The following CDH4 variants were observed in gnomAD, a reference collection of about 807,000 sequenced individuals.
The protein encoded by CDH4 is cadherin-4.
Under a neutral mutation model 86.0 loss-of-function variants are expected in CDH4, and 33 were observed. The observed-to-expected ratio is 0.38, with a 90% CI of 0.29 to 0.51. The LOEUF (loss-of-function observed/expected upper bound fraction) is 0.51. CDH4 is among the 20% of genes least tolerant of loss of function. The pLI is 0.86. For synonymous variants in CDH4, 555 were observed against 549.4 expected (o/e 1.01, Z -0.14); for missense variants, 1,114 against 1,307.4 (o/e 0.85, Z 2.28).
chr20:61,536,573 G>A (rs767316728), intron 2 of CDH4, among the ~76,000 whole-genome samples: 2 of 152,122 alleles, frequency 1.3e-5, no homozygotes, highest in Middle Eastern at 3.2e-3. Context: ...CCCCCATTGC[G>A]AGGCCACACT....
chr20:61,278,329 C>T (rs553629411), intron 2 of CDH4, among the ~76,000 whole-genome samples: 2 of 152,314 alleles, frequency 1.3e-5, no homozygotes, highest in South Asian at 4.1e-4. Flanking sequence ...GGCTGATAAC[C>T]TTTTATTGAT....
chr20:61,761,223 GA>G (rs2088628895), intron 3 of CDH4, among the ~76,000 whole-genome samples: 1 of 152,192 alleles, frequency 6.6e-6, no homozygotes, highest in Non-Finnish European at 1.5e-5. Context: ...ACATTTAGGG[GA>G]GGGGGGCTCA....
At chr20:61,272,030 T>G (rs1442484161) in intron 2 of CDH4, among the ~76,000 whole-genome samples, 1 of 152,208 alleles carries the variant, frequency 6.6e-6, no homozygotes, top group Admixed American at 6.5e-5. Flanking sequence ...ACTTGGTGGC[T>G]TCCTTCTTTC....
chr20:61,303,184 C>T (rs1243010588), intron 2 of CDH4, among the ~76,000 whole-genome samples: 1 of 152,226 alleles, frequency 6.6e-6, no homozygotes, highest in African/African-American at 2.4e-5. Context: ...CTTCCTATGC[C>T]TGTTCTCTCA....
At chr20:61,609,866 A>G (rs2086671759) in intron 2 of CDH4, among the ~76,000 whole-genome samples, 1 of 152,056 alleles carries the variant, frequency 6.6e-6, no homozygotes, top group Non-Finnish European at 1.5e-5. Context: ...TTTCTTTCCC[A>G]TTAATATGTC....
intron 8 of CDH4, among the ~76,000 whole-genome samples, chr20:61,907,685 AG>A (rs2054805654): frequency 1.3e-5 from 2 of 152,066 alleles, no homozygotes; most frequent in Admixed American, 1.3e-4. Flanking sequence ...TCCCTCCTCT[AG>A]GGCCAGGTCA....
intron 3 of CDH4, 107 bp from the exon 4 acceptor site, chr20:61,772,896 T>C: frequency 2.2e-6 from 2 of 926,896 alleles, no homozygotes; most frequent in Non-Finnish European, 3.1e-6. Flanking sequence ...GTTACCCGCC[T>C]TCCCTCTCAG....
At chr20:61,601,288 C>T (rs1395668399) in intron 2 of CDH4, among the ~76,000 whole-genome samples, 1 of 152,180 alleles carries the variant, frequency 6.6e-6, no homozygotes, top group Admixed American at 6.5e-5. Context: ...GTGAGGACAG[C>T]ACCAAGCCAC....
intron 2 of CDH4, among the ~76,000 whole-genome samples, chr20:61,375,936 G>GTA (rs1568819215): frequency 1.4e-4 from 2 of 14,156 alleles, no homozygotes; most frequent in South Asian, 2.1e-3. Context: ...TGGTGATGAT[G>GTA]GTGGTGCTGG....
At position 61,731,631 on chromosome 20, in the gene CDH4, G is replaced by A. The variant is rs572254007; in HGVS notation, c.170-11932G>A. On this transcript the variant is annotated intron_variant, in intron 2 of 15. Transcript: ENST00000614565. ...GAATCGGAAAAGCGCCGTTTCCAGC[G>A]GGACGCCTCCTGCCAAGCCCAGAAC... Among the ~76,000 whole-genome samples, 83 of 152,314 alleles carry A rather than the reference G, an allele frequency of 5.4e-4. 1 individual carries two copies. The highest frequency in any genetic ancestry group is 9.8e-4 in the Admixed American group (15 of 15,310).
In CDH4 at chr20:61,517,134, C is replaced by T. The variant is rs2085827832; in HGVS notation, c.170-226429C>T. Among the ~76,000 whole-genome samples the T allele has an allele frequency of 6.6e-6, 1 of 152,204 alleles. No individual in the cohort carries two copies. The highest frequency in any genetic ancestry group is 1.5e-5 in the Non-Finnish European group (1 of 68,044). On this transcript the variant is annotated intron_variant, in intron 2 of 15. Coordinates refer to ENST00000614565, the MANE Select transcript of CDH4 (RefSeq NM_001794.5). This position sits in a 1 kb window ranked among gnomAD's most constrained non-coding sequence, Gnocchi z 6.6. ...CCACGATCCCTTCACCAAAGGGTAACCAGATTCCTGTATTCCAACTTTCTA... is the reference window on the plus strand; with the variant it reads ...CCACGATCCCTTCACCAAAGGGTAATCAGATTCCTGTATTCCAACTTTCTA...
At chr20:61,460,167 C>T (rs1333883717) in intron 2 of CDH4, among the ~76,000 whole-genome samples, 5 of 152,164 alleles carry the variant, frequency 3.3e-5, no homozygotes, top group South Asian at 2.1e-4. Context: ...TAACAGGGAG[C>T]GCTTTGCCCT....
chr20:61,493,068 G>A (rs1040356809), intron 2 of CDH4, among the ~76,000 whole-genome samples: 2 of 152,214 alleles, frequency 1.3e-5, no homozygotes, highest in East Asian at 1.9e-4. Context: ...AATGAAGTAC[G>A]TAAATTAGAC....
At chr20:61,507,062 T>A (rs1300977195) in intron 2 of CDH4, among the ~76,000 whole-genome samples, 2 of 152,236 alleles carry the variant, frequency 1.3e-5, no homozygotes, top group Non-Finnish European at 2.9e-5. Flanking sequence ...TTGAGACTTT[T>A]GAGTGTTTTG....
intron 2 of CDH4, among the ~76,000 whole-genome samples, chr20:61,388,857 C>T (rs895622267): frequency 3.3e-5 from 5 of 152,112 alleles, no homozygotes; most frequent in South Asian, 2.1e-4. Flanking sequence ...TCAATTATGC[C>T]GTTGTGTGAG....
chr20:61,557,647 A>G (rs1377477284), intron 2 of CDH4, among the ~76,000 whole-genome samples: 3 of 152,198 alleles, frequency 2.0e-5, no homozygotes, highest in Non-Finnish European at 4.4e-5. Context: ...TCTTGCTCCA[A>G]ATCGCATCTT....
intron 2 of CDH4, among the ~76,000 whole-genome samples, chr20:61,742,634 T>C (rs1278718150): frequency 6.6e-6 from 1 of 152,220 alleles, no homozygotes; most frequent in African/African-American, 2.4e-5. Context: ...GTGGCTTTTA[T>C]GAGCAGAATG....
chr20:61,716,291 G>A (rs548131062), intron 2 of CDH4, among the ~76,000 whole-genome samples: 1 of 152,298 alleles, frequency 6.6e-6, no homozygotes, highest in South Asian at 2.1e-4. Context: ...GGCTGGACCT[G>A]TAAAGGGGTG....
chr20:61,631,971 C>T lies in CDH4; in HGVS notation c.170-111592C>T, dbSNP rs555024434. Among the ~76,000 whole-genome samples, 180 of 152,388 alleles carry T rather than the reference C, an allele frequency of 1.2e-3. 1 individual carries two copies. The highest frequency in any genetic ancestry group is 4.0e-3 in the African/African-American group (167 of 41,596). ...TGGGTGGAGCCACGCAGGTTATTTC[C>T]ATCTGACAGTGGGGCACCATCCAGT... On this transcript the variant is annotated intron_variant, in intron 2 of 15. Coordinates refer to ENST00000614565, the MANE Select transcript of CDH4 (RefSeq NM_001794.5).
Sources: gnomAD v4.1 joint callset for allele counts (sites outside exome capture counted in the v4.1 genomes callset) on GRCh38, gnomAD v4.1.1 for gene constraint, Gnocchi (gnomAD v3.1) non-coding constraint, MANE v1.5 for transcripts, NCBI Gene and HGNC (gene_info 2026-07-23, HGNC 2026-07-21) for gene names.